Variants in HNRNPR observed in about 807,000 individuals in gnomAD.
HNRNPR encodes the protein heterogeneous nuclear ribonucleoprotein R.
In HNRNPR, 4 loss-of-function variants were observed where a neutral mutation model predicts 70.3. The observed-to-expected ratio is 0.06, with a 90% CI of 0.03 to 0.13. The LOEUF (loss-of-function observed/expected upper bound fraction) is 0.13. Among genes scored for constraint, HNRNPR ranks in the 10% least tolerant of loss-of-function variants. The pLI is 1.00. For missense variants in HNRNPR, 423 were observed against 788.5 expected (o/e 0.54, Z 5.55); for synonymous variants, 241 against 267.6 (o/e 0.90, Z 0.97).
In HNRNPR at chr1:23,310,567, G is replaced by T. The variant is rs1199037706; in HGVS notation, c.1789C>A (p.Gln597Lys). Residue 597 changes from glutamine to lysine, a missense_variant, in exon 11 of 11, where the codon CAA becomes AAA. Coordinates refer to ENST00000302271, the MANE Select transcript of HNRNPR (RefSeq NM_005826.5). The surrounding 1 kb of genome is among the most constrained non-coding windows in gnomAD (Gnocchi z 6.0). Reference protein sequence around the residue: ...QTNNQQNWGSQPIAQQPLQQG... With the variant: ...QTNNQQNWGSKPIAQQPLQQG... ...TGAAGCGGCTGCTGAGCGATGGGTT[G>T]GGAACCCCAGTTCTGTTGGTTGTTG... 1 of 1,614,052 alleles carries T rather than the reference G, an allele frequency of 6.2e-7. No homozygotes were observed. Among genetic ancestry groups the T allele is most frequent in the Non-Finnish European group, 8.5e-7 (1 of 1,180,032 alleles).
intron 5 of HNRNPR, among the ~76,000 whole-genome samples, chr1:23,332,134 G>A (rs1307416797): frequency 4.6e-5 from 7 of 151,876 alleles, no homozygotes; most frequent in African/African-American, 1.7e-4. Flanking sequence ...TGAATGGAGA[G>A]AGGGGAGAGG....
intron 5 of HNRNPR, among the ~76,000 whole-genome samples, chr1:23,331,834 T>TAAAAAAAA (rs59006948): frequency 0.087 from 5,120 of 59,090 alleles, 738 homozygotes; most frequent in Non-Finnish European, 0.13. Flanking sequence ...ACTGTTTCTT[T>TAAAAAAAA]AAAAAAAAAA....
intron 6 of HNRNPR, among the ~76,000 whole-genome samples, chr1:23,322,083 G>T (rs1306937066): frequency 2.0e-5 from 3 of 152,068 alleles, no homozygotes; most frequent in African/African-American, 7.2e-5. Context: ...TCAATGCAAA[G>T]ATATTAGAAA....
intron 5 of HNRNPR, among the ~76,000 whole-genome samples, chr1:23,326,197 C>T (rs9287045): frequency 0.96 from 144,630 of 151,170 alleles, 69,232 homozygotes; most frequent in East Asian, 1. Flanking sequence ...GCCATCCGTA[C>T]GTTTTTTTTT....
intron 3 of HNRNPR, 177 bp downstream of exon 3, chr1:23,338,313 G>A: frequency 2.4e-6 from 1 of 413,524 alleles, no homozygotes; most frequent in Non-Finnish European, 4.3e-6. Flanking sequence ...GAAAACTTTT[G>A]CTTTATACTT....
At position 23,310,337 on chromosome 1, in the gene HNRNPR, C is replaced by G; in HGVS notation, c.*117G>C. The G allele has an allele frequency of 2.1e-6, 2 of 966,152 alleles. No individual in the cohort carries two copies. Among genetic ancestry groups the G allele is most frequent in the Non-Finnish European group, 3.1e-6 (2 of 650,002 alleles). The allele number at this position is 966,152 out of a possible 1,614,324, so 59.8% of individuals were successfully genotyped here. ...CAATAGTGATTTCTTCAGCCCAATA[C>G]AAATGGCAGCAAAATGCTACTTAAA... is the stretch of plus-strand genomic sequence containing the variant. On this transcript the variant is annotated 3_prime_UTR_variant, in exon 11 of 11. Transcript: ENST00000302271. This position sits in a 1 kb window ranked among gnomAD's most constrained non-coding sequence, Gnocchi z 6.0.
intron 1 of HNRNPR, among the ~76,000 whole-genome samples, chr1:23,343,203 G>T (rs1398887394): frequency 1.3e-5 from 2 of 152,030 alleles, no homozygotes; most frequent in East Asian, 3.9e-4. Context: ...CAAAAAAAAA[G>T]GAGACATTTA....
At chr1:23,325,193 A>G (rs74065330) in intron 5 of HNRNPR, among the ~76,000 whole-genome samples, 1 of 152,298 alleles carries the variant, frequency 6.6e-6, no homozygotes, top group African/African-American at 2.4e-5. Context: ...CAAAGTCTGA[A>G]TGAGTAAAAT....
rs1343265895 is a variant in HNRNPR at position 23,340,920 on chromosome 1, T to G, written c.89A>C (p.Tyr30Ser). 1 of 1,613,538 alleles carries G rather than the reference T, an allele frequency of 6.2e-7. No homozygotes were observed. The highest frequency in any genetic ancestry group is 2.2e-5 in the East Asian group (1 of 44,854). Residue 30 changes from tyrosine to serine, a missense_variant, in exon 2 of 11, where the codon TAC becomes TCC. Physicochemically the swap from Tyr to Ser is moderately radical, Grantham distance 144. This residue lies in a region of HNRNPR where 44 missense variants were observed against 89.0 expected (regional missense o/e 0.49). Coordinates refer to ENST00000302271, the MANE Select transcript of HNRNPR (RefSeq NM_005826.5). ...GAGGCCTGCCTCTATCAGTGTCTTGTAGTGTTCTGTGTGAGTTACACTGGA... is the reference window on the plus strand; with the variant it reads ...GAGGCCTGCCTCTATCAGTGTCTTGGAGTGTTCTGTGTGAGTTACACTGGA... ...DTSSVTHTEH[Y>S]KTLIEAGLPQ...
Position 23,318,853 on chromosome 1 carries a change from T to C in HNRNPR, c.812-165A>G, listed in dbSNP as rs1645648092. Among the ~76,000 whole-genome samples the C allele has an allele frequency of 1.3e-5, 2 of 152,218 alleles. No individual in the cohort carries two copies. Among genetic ancestry groups the C allele is most frequent in the Non-Finnish European group, 2.9e-5 (2 of 68,040 alleles). On this transcript the variant is annotated intron_variant, in intron 7 of 10. Coordinates refer to ENST00000302271, the MANE Select transcript of HNRNPR (RefSeq NM_005826.5). This position sits in a 1 kb window ranked among gnomAD's most constrained non-coding sequence, Gnocchi z 4.2. ...AGATCAACATAATTAGATATGGGGT[T>C]TGGGACAGTATTTGATGTTCCTTTT...
chr1:23,313,509 A>G, intron 9 of HNRNPR, 44 bp downstream of exon 9: 1 of 1,372,572 alleles, frequency 7.3e-7, no homozygotes, highest in Non-Finnish European at 9.9e-7. Context: ...CAAGTTTCAA[A>G]AACAAAATTC....
chr1:23,322,233 T>G (rs1645789052), intron 6 of HNRNPR, among the ~76,000 whole-genome samples: 2 of 151,950 alleles, frequency 1.3e-5, no homozygotes, highest in African/African-American at 4.8e-5. Flanking sequence ...TGATAAATTG[T>G]AGCCCTTTTT....
intron 8 of HNRNPR, 108 bp from the exon 9 acceptor site, chr1:23,313,810 C>A: frequency 2.4e-6 from 3 of 1,235,504 alleles, no homozygotes; most frequent in Admixed American, 6.3e-5. Context: ...ACATTAAGTG[C>A]TAAAAGTGTT....
At chr1:23,328,084 T>C (rs759954141) in intron 5 of HNRNPR, among the ~76,000 whole-genome samples, 1 of 151,536 alleles carries the variant, frequency 6.6e-6, no homozygotes, top group Non-Finnish European at 1.5e-5. Context: ...CCATGAGATG[T>C]GAGATGGGAG....
At chr1:23,334,871 C>A (rs984111801) in intron 4 of HNRNPR, among the ~76,000 whole-genome samples, 1 of 150,998 alleles carries the variant, frequency 6.6e-6, no homozygotes, top group African/African-American at 2.4e-5. Context: ...CAATGGTAAA[C>A]AAAGAAACAC....
chr1:23,324,953 A>T (rs1370418069), intron 5 of HNRNPR, among the ~76,000 whole-genome samples: 1 of 152,018 alleles, frequency 6.6e-6, no homozygotes, highest in Non-Finnish European at 1.5e-5. Context: ...ATCCTGGCTA[A>T]CATGGTGAAA....
At chr1:23,317,581 G>A (rs1049035481) in intron 8 of HNRNPR, among the ~76,000 whole-genome samples, 2 of 152,146 alleles carry the variant, frequency 1.3e-5, no homozygotes, top group African/African-American at 4.8e-5. Flanking sequence ...AGGGAATTGA[G>A]GGCCCTTTAC....
intron 5 of HNRNPR, among the ~76,000 whole-genome samples, chr1:23,327,871 G>T (rs1264806897): frequency 6.6e-6 from 1 of 151,334 alleles, no homozygotes; most frequent in Non-Finnish European, 1.5e-5. Context: ...AAAAACCTGA[G>T]GAAGGTGAGG....
chr1:23,337,025 T>C (rs1323785233), intron 4 of HNRNPR, among the ~76,000 whole-genome samples: 1 of 152,220 alleles, frequency 6.6e-6, no homozygotes, highest in Non-Finnish European at 1.5e-5. Flanking sequence ...GTAGTCACTA[T>C]TACTATCCCC....
Sources: allele counts gnomAD v4.1 joint callset (sites outside exome capture counted in the v4.1 genomes callset), GRCh38; gene constraint gnomAD v4.1.1; regional missense constraint gnomAD v4.1.1; non-coding constraint Gnocchi (gnomAD v3.1); transcripts MANE v1.5; gene names NCBI Gene and HGNC (gene_info 2026-07-23, HGNC 2026-07-21).